The following FKBP5 variants were observed in gnomAD, a reference collection of about 807,000 sequenced individuals.
The protein encoded by FKBP5 is peptidyl-prolyl cis-trans isomerase FKBP5.
In FKBP5, 23 loss-of-function variants were observed where a neutral mutation model predicts 50.5. The ratio of observed to expected loss-of-function variants is 0.46; its 90% CI spans 0.33 to 0.65. The LOEUF is 0.65. FKBP5 is among the 30% of genes least tolerant of loss of function. The probability of loss-of-function intolerance (pLI) is 0.02; values close to 1 mark genes in which losing one functional copy is unlikely to be tolerated. For synonymous variants in FKBP5, 176 were observed against 190.6 expected (o/e 0.92, Z 0.63); for missense variants, 411 against 553.1 (o/e 0.74, Z 2.58).
chr6:35,704,273 A>T (rs1766240480), intron 2 of FKBP5, among the ~76,000 whole-genome samples: 1 of 152,214 alleles, frequency 6.6e-6, no homozygotes, highest in Admixed American at 6.5e-5. Context: ...CAGACAAGTA[A>T]TTGAGAGCCC....
At chr6:35,602,630 A>T (rs1399277433) in intron 5 of FKBP5, among the ~76,000 whole-genome samples, 1 of 151,826 alleles carries the variant, frequency 6.6e-6, no homozygotes, top group African/African-American at 2.4e-5. Context: ...GCAAGCAGAG[A>T]TGGCTTTCTA....
chr6:35,578,370 A>G (rs1157418388), intron 9 of FKBP5, among the ~76,000 whole-genome samples: 1 of 152,114 alleles, frequency 6.6e-6, no homozygotes, highest in Non-Finnish European at 1.5e-5. Flanking sequence ...AGTTATTTTT[A>G]TAATCTTGGT....
At chr6:35,673,703 T>C (rs903477832) in intron 1 of FKBP5, among the ~76,000 whole-genome samples, 11 of 152,200 alleles carry the variant, frequency 7.2e-5, no homozygotes, top group African/African-American at 2.4e-4. Context: ...TTAAGAATAG[T>C]GAGGCTCATC....
chr6:35,688,573 G>C (rs1765904964), intron 1 of FKBP5, among the ~76,000 whole-genome samples: 1 of 150,916 alleles, frequency 6.6e-6, no homozygotes, highest in Non-Finnish European at 1.5e-5. Context: ...CCGGCCCCGC[G>C]GCCCCTGGGG....
chr6:35,684,458 G>A (rs897837065), intron 1 of FKBP5, among the ~76,000 whole-genome samples: 1 of 152,112 alleles, frequency 6.6e-6, no homozygotes, highest in African/African-American at 2.4e-5. Context: ...CATTACAGGC[G>A]TGAGTCACTG....
intron 2 of FKBP5, among the ~76,000 whole-genome samples, chr6:35,637,591 G>A (rs1160524851): frequency 1.3e-5 from 2 of 151,178 alleles, no homozygotes; most frequent in Non-Finnish European, 2.9e-5. Context: ...AGCCTCCCGA[G>A]TAGCTGGGAT....
chr6:35,691,904 G>T (rs1358813197), upstream of FKBP5, among the ~76,000 whole-genome samples: 1 of 152,146 alleles, frequency 6.6e-6, no homozygotes, highest in African/African-American at 2.4e-5. Context: ...GTACTTAGAA[G>T]AGCCCTGTGC....
chr6:35,611,465 C>T (rs1763491599), intron 5 of FKBP5, among the ~76,000 whole-genome samples: 1 of 152,156 alleles, frequency 6.6e-6, no homozygotes, highest in Non-Finnish European at 1.5e-5. Flanking sequence ...CTCTTCCAAC[C>T]ACTAAAGTTG....
chr6:35,692,950 G>T (rs1459057556), upstream of FKBP5, among the ~76,000 whole-genome samples: 1 of 150,380 alleles, frequency 6.6e-6, no homozygotes, highest in Non-Finnish European at 1.5e-5. Flanking sequence ...TCTTTCTGGG[G>T]CTCCAGTTGA....
chr6:35,636,903 C>A lies in FKBP5; in HGVS notation c.250+111G>T, dbSNP rs1764322712. On this transcript the variant is annotated intron_variant, in intron 3 of 10. Transcript: ENST00000357266. The stretch of plus-strand genomic sequence containing the variant: ...GGATTCTCAGACCATTCTTTGAGTA[C>A]TACTACTCTAAAATTTCTTTACTTT... 7 of 966,562 alleles carry A rather than the reference C, an allele frequency of 7.2e-6. No individual in the cohort carries two copies. The Admixed American group carries it at 1.4e-4, about 20-fold the overall frequency. The allele number at this position is 966,562 out of a possible 1,614,324, so 59.9% of individuals were successfully genotyped here.
At chr6:35,640,426 C>A (rs551380340) in intron 2 of FKBP5, among the ~76,000 whole-genome samples, 3 of 152,300 alleles carry the variant, frequency 2.0e-5, no homozygotes, top group East Asian at 3.9e-4. Context: ...AGAACACTTA[C>A]CATGAATGGA....
chr6:35,628,758 G>A (rs574909844), intron 3 of FKBP5, among the ~76,000 whole-genome samples: 23 of 151,558 alleles, frequency 1.5e-4, no homozygotes, highest in Non-Finnish European at 3.1e-4. Flanking sequence ...TTGCTCTGTC[G>A]CCCAGGCTGG....
intron 10 of FKBP5, among the ~76,000 whole-genome samples, chr6:35,576,786 T>C (rs1340968687): frequency 6.6e-6 from 1 of 151,832 alleles, no homozygotes; most frequent in Non-Finnish European, 1.5e-5. Context: ...CTGAAGGGAA[T>C]TTAGTTTTCT....
intron 8 of FKBP5, chr6:35,586,819 A>G: frequency 2.1e-6 from 3 of 1,426,814 alleles, no homozygotes; most frequent in Non-Finnish European, 2.7e-6. Flanking sequence ...TACAATCTAG[A>G]GCAGAATGTG....
intron 8 of FKBP5, chr6:35,586,536 G>A: frequency 2.0e-6 from 2 of 984,330 alleles, no homozygotes; most frequent in East Asian, 1.1e-4. Context: ...GGAAGCTGAG[G>A]TGGGAGGATT....
intron 5 of FKBP5, 79 bp downstream of exon 5, chr6:35,619,017 A>G (rs549758538): frequency 2.2e-6 from 2 of 929,088 alleles, no homozygotes; most frequent in East Asian, 2.5e-5. Context: ...TTCTACAAAC[A>G]TTTTTTTTTA....
intron 1 of FKBP5, among the ~76,000 whole-genome samples, chr6:35,673,697 G>A (rs1359610426): frequency 6.6e-6 from 1 of 152,170 alleles, no homozygotes; most frequent in African/African-American, 2.4e-5. Flanking sequence ...TAAGTATTAA[G>A]AATAGTGAGG....
At chr6:35,585,042 T>C in intron 8 of FKBP5, 2 of 985,442 alleles carry the variant, frequency 2.0e-6, no homozygotes, top group Non-Finnish European at 2.4e-6. Context: ...TTACCAATAA[T>C]GTTCTCCAAA....
chr6:35,707,373 C>T (rs917103329), intron 2 of FKBP5, among the ~76,000 whole-genome samples: 21 of 151,590 alleles, frequency 1.4e-4, no homozygotes, highest in African/African-American at 4.8e-4. Context: ...TGCACCACCA[C>T]GGCCGGCTAA....
Sources: allele counts gnomAD v4.1 joint callset (sites outside exome capture counted in the v4.1 genomes callset), GRCh38; gene constraint gnomAD v4.1.1; transcripts MANE v1.5; gene names NCBI Gene and HGNC (gene_info 2026-07-23, HGNC 2026-07-21).